Variants in HAPLN4 observed in about 807,000 individuals in gnomAD.
HAPLN4 encodes the protein brain link protein 2.
A neutral mutation model predicts 28.0 loss-of-function variants in HAPLN4; 19 were observed. The ratio of observed to expected loss-of-function variants is 0.68; its 90% CI spans 0.47 to 1.00. The LOEUF is 1.00. HAPLN4 is among the 50% of genes least tolerant of loss of function. The pLI is 0.00. For missense variants in HAPLN4, 587 were observed against 602.6 expected (o/e 0.97, Z 0.27); for synonymous variants, 274 against 273.0 (o/e 1.00, Z -0.03).
chr19:19,258,512 G>A lies in HAPLN4; in HGVS notation c.817+11C>T, dbSNP rs368786976. 5.6e-6 allele frequency: 9 copies of A among 1,611,456 alleles called. No homozygotes were observed. Among genetic ancestry groups the A allele is most frequent in the African/African-American group, 2.7e-5 (2 of 74,882 alleles). The stretch of plus-strand genomic sequence containing the variant: ...GCAGCAGAGGCCAGTCTTGGGGTGA[G>A]GCCTACGCACCCGGCAGGTTGGACG... On this transcript the variant is annotated intron_variant, in intron 4 of 4. Coordinates refer to ENST00000291481, the MANE Select transcript of HAPLN4 (RefSeq NM_023002.3). This position sits in a 1 kb window ranked among gnomAD's most constrained non-coding sequence, Gnocchi z 6.2.
rs1439699310 is a variant in HAPLN4 at position 19,256,132 on chromosome 19, T to C, written c.*1685A>G. On this transcript the variant is annotated 3_prime_UTR_variant, in exon 5 of 5. Coordinates refer to ENST00000291481, the MANE Select transcript of HAPLN4 (RefSeq NM_023002.3). ...GAGAGGAACTGGGTGAGAATGGAGA[T>C]GGGGTCTCAGAGGACAAAAGAGGAG... 1 of 152,164 alleles carries C rather than the reference T, an allele frequency of 6.6e-6. No individual in the cohort carries two copies. Among genetic ancestry groups the C allele is most frequent in the Non-Finnish European group, 1.5e-5 (1 of 68,068 alleles). 9.4% of individuals were successfully genotyped at this position (152,164 alleles called of 1,614,324 possible). A position where few individuals can be genotyped will look rare whatever the true frequency, so the allele number is the denominator to read the frequency against.
chr19:19,261,622 T>C, intron 1 of HAPLN4, 59 bp from the exon 2 acceptor site: 4 of 1,158,838 alleles, frequency 3.5e-6, no homozygotes, highest in Non-Finnish European at 3.5e-6. Flanking sequence ...TTCGGAGGCC[T>C]GGCTCCCTCC....
In HAPLN4 at chr19:19,254,901, A is replaced by G. The variant is rs1451616282; in HGVS notation, c.*2916T>C. On this transcript the variant is annotated 3_prime_UTR_variant, in exon 5 of 5. Transcript: ENST00000291481. The stretch of plus-strand genomic sequence containing the variant: ...CTTGGTCTCTTAAAGTGCTGGGATT[A>G]TAGGCATGATCCACTGTGCACGGTC... 6.6e-6 allele frequency: 1 copy of G among 152,278 alleles called. No homozygotes were observed. The highest frequency in any genetic ancestry group is 1.5e-5 in the Non-Finnish European group (1 of 68,100). 9.4% of individuals were successfully genotyped at this position (152,278 alleles called of 1,614,324 possible).
intron 3 of HAPLN4, 51 bp downstream of exon 3, chr19:19,260,762 G>T (rs368187800): frequency 4.5e-6 from 7 of 1,569,838 alleles, no homozygotes; most frequent in Non-Finnish European, 6.1e-6. Context: ...TGCCATCCCC[G>T]CCCCCCTCCT....
intron 2 of HAPLN4, 40 bp downstream of exon 2, chr19:19,261,406 C>T (rs1280890109): frequency 1.9e-6 from 3 of 1,564,132 alleles, no homozygotes; most frequent in Non-Finnish European, 2.6e-6. Context: ...GCCACTTCTG[C>T]TTTTCGCGGA....
At chr19:19,261,778 C>T (rs1283671886) in intron 1 of HAPLN4, 1 of 486,814 alleles carries the variant, frequency 2.1e-6, no homozygotes, top group African/African-American at 2.1e-5. Flanking sequence ...CCCCCGCCCT[C>T]AGTCCTGCCC....
At chr19:19,259,642 G>C (rs1419941399) in intron 3 of HAPLN4, among the ~76,000 whole-genome samples, 1 of 152,054 alleles carries the variant, frequency 6.6e-6, no homozygotes, top group Non-Finnish European at 1.5e-5. Context: ...GTCTCCCTTG[G>C]GGTTTTTAGG....
rs1309978679 is a variant in HAPLN4, at chr19:19,262,777, T to C, written c.-45A>G. ...CCGAGCGGCCCCTACGCACCCGGAC[T>C]GCGCTCCCCGCACACCCGGTTAAGA... is the stretch of plus-strand genomic sequence containing the variant. On this transcript the variant is annotated 5_prime_UTR_variant, in exon 1 of 5. Coordinates refer to ENST00000291481, the MANE Select transcript of HAPLN4 (RefSeq NM_023002.3). 1 of 1,602,396 alleles carries C rather than the reference T, an allele frequency of 6.2e-7. No homozygotes were observed. The highest frequency in any genetic ancestry group is 8.5e-7 in the Non-Finnish European group (1 of 1,174,266).
At chr19:19,261,301 G>A in intron 2 of HAPLN4, 126 bp from the exon 3 acceptor site, 2 of 1,261,974 alleles carry the variant, frequency 1.6e-6, no homozygotes, top group Non-Finnish European at 2.2e-6. Flanking sequence ...GAAGGGTCCA[G>A]GGGCTCAGGG....
chr19:19,262,490 A>G (rs1295496469), intron 1 of HAPLN4, among the ~76,000 whole-genome samples: 1 of 150,246 alleles, frequency 6.7e-6, no homozygotes, highest in Non-Finnish European at 1.5e-5. Context: ...GGGACAGGGA[A>G]AGACAGAAAC....
rs920067087 is a variant in HAPLN4, at chr19:19,258,603, T to C, written c.737A>G (p.Asn246Ser). The change falls in exon 4 of 5, where the codon AAC becomes AGC. Residue 246 changes from asparagine (N) to serine (S), a missense_variant. By Grantham distance (46) the Asn-to-Ser change is conservative. Coordinates refer to ENST00000291481, the MANE Select transcript of HAPLN4 (RefSeq NM_023002.3). The surrounding 1 kb of genome is among the most constrained non-coding windows in gnomAD (Gnocchi z 6.2). ...TGSAGGGGDANGGLRNYGYRH... is the reference protein window; with the variant it reads ...TGSAGGGGDASGGLRNYGYRH... ...ATACCCGTAGTTGCGCAGGCCCCCG[T>C]TGGCATCACCGCCGCCCCCTGCACT... 5 of 1,613,532 alleles carry C rather than the reference T, an allele frequency of 3.1e-6. No homozygotes were observed. The highest frequency in any genetic ancestry group is 3.4e-6 in the Non-Finnish European group (4 of 1,179,808).
chr19:19,257,802 C>T lies in HAPLN4; in HGVS notation c.*15G>A. The stretch of plus-strand genomic sequence containing the variant: ...ACCAGTGGTCAAGCGCCCTGGCTGT[C>T]CGCCTACTCCCAGCCTAGACGTGCA... On this transcript the variant is annotated 3_prime_UTR_variant, in exon 5 of 5. Coordinates refer to ENST00000291481, the MANE Select transcript of HAPLN4 (RefSeq NM_023002.3). 1 of 1,392,448 alleles carries T rather than the reference C, an allele frequency of 7.2e-7. No homozygotes were observed. The highest frequency in any genetic ancestry group is 1.8e-5 in the South Asian group (1 of 56,998). 86.3% of individuals were successfully genotyped at this position (1,392,448 alleles called of 1,614,324 possible).
rs961997947 is a variant in HAPLN4, at chr19:19,258,315, C to T, written c.818-107G>A. The T allele has an allele frequency of 3.1e-6, 4 of 1,271,406 alleles. No homozygotes were observed. The highest frequency in any genetic ancestry group is 1.5e-5 in the African/African-American group (1 of 66,514). 78.8% of individuals were successfully genotyped at this position (1,271,406 alleles called of 1,614,324 possible). A position where few individuals can be genotyped will look rare whatever the true frequency, so the allele number is the denominator to read the frequency against. ...TGCAGCCTAGGACTCTGGCCTCGGC[C>T]CCGGGATCCAGGAACAGTTCCTCCT... On this transcript the variant is annotated intron_variant, in intron 4 of 4. Transcript: ENST00000291481. The surrounding 1 kb of genome is among the most constrained non-coding windows in gnomAD (Gnocchi z 6.2).
rs931296618 is a variant in HAPLN4 at position 19,256,491 on chromosome 19, G to C, written c.*1326C>G. Reference sequence around the variant, plus strand: ...TGACAGTCTCTATGGCAACAGCTTGGTGAACAGGGCCCCGTTGTCCACAAG... The same window carrying C: ...TGACAGTCTCTATGGCAACAGCTTGCTGAACAGGGCCCCGTTGTCCACAAG... On this transcript the variant is annotated 3_prime_UTR_variant, in exon 5 of 5. Transcript: ENST00000291481. 6.6e-6 allele frequency: 1 copy of C among 152,668 alleles called. No homozygotes were observed. Among genetic ancestry groups the C allele is most frequent in the Non-Finnish European group, 1.5e-5 (1 of 68,054 alleles). 9.5% of individuals were successfully genotyped at this position (152,668 alleles called of 1,614,324 possible).
Position 19,260,906 on chromosome 19 carries a change from G to C in HAPLN4, c.391C>G (p.Arg131Gly). Reference protein sequence around the residue: ...DGPGDASLVLRNVTLQDYGRY... With the variant: ...DGPGDASLVLGNVTLQDYGRY... ...CCGTAGTCTTGCAGCGTGACGTTGC[G>C]GAGGACCAGGGAGGCATCCCCAGGC... The change falls in exon 3 of 5, where the codon CGC becomes GGC. Residue 131 changes from arginine to glycine, a missense_variant. Transcript: ENST00000291481. 6.2e-7 allele frequency: 1 copy of C among 1,614,060 alleles called. No homozygotes were observed. The highest frequency in any genetic ancestry group is 8.5e-7 in the Non-Finnish European group (1 of 1,180,028).
At chr19:19,261,827 G>A in intron 1 of HAPLN4, 1 of 412,146 alleles carries the variant, frequency 2.4e-6, no homozygotes, top group East Asian at 4.5e-5. Context: ...AAAACCCGAG[G>A]CTCGCTGCCC....
At position 19,258,541 on chromosome 19, in the gene HAPLN4, A is replaced by C; in HGVS notation, c.799T>G (p.Phe267Val). ...NAEERYDAFC[F>V]TSNLPGRVFF... ...TACGCACCCGGCAGGTTGGACGTGA[A>C]GCAGAAGGCGTCGTAGCGTTCCTCG... is the stretch of plus-strand genomic sequence containing the variant. The change falls in exon 4 of 5, where the codon TTC becomes GTC. Residue 267 changes from phenylalanine to valine, a missense_variant. Transcript: ENST00000291481. This position sits in a 1 kb window ranked among gnomAD's most constrained non-coding sequence, Gnocchi z 6.2. 1 of 1,613,576 alleles carries C rather than the reference A, an allele frequency of 6.2e-7. No homozygotes were observed.
intron 3 of HAPLN4, among the ~76,000 whole-genome samples, chr19:19,260,470 A>T (rs2060979210): frequency 6.6e-6 from 1 of 151,622 alleles, no homozygotes; most frequent in African/African-American, 2.4e-5. Flanking sequence ...GCCTGCCTCA[A>T]CCTCCCAAAG....
At position 19,260,798 on chromosome 19, in the gene HAPLN4, CCACCGGCTGAT is replaced by C; in HGVS notation, c.484+4_484+14del. 6.2e-7 allele frequency: 1 copy of C among 1,600,512 alleles called. No individual in the cohort carries two copies. Among genetic ancestry groups the C allele is most frequent in the East Asian group, 2.2e-5 (1 of 44,466 alleles). ...TCCTCAGAAGCAAGGTTTATCCTCC[CCACCGGCTGAT>C]CACCTTCCAGGTCCAGCTTGACCAT... is the stretch of plus-strand genomic sequence containing the variant. On this transcript the variant is annotated splice_donor_5th_base_variant and intron_variant, in intron 3 of 4. Transcript: ENST00000291481.
Sources: gnomAD v4.1 joint callset for allele counts (sites outside exome capture counted in the v4.1 genomes callset) on GRCh38, gnomAD v4.1.1 for gene constraint, Gnocchi (gnomAD v3.1) non-coding constraint, MANE v1.5 for transcripts, NCBI Gene and HGNC (gene_info 2026-07-23, HGNC 2026-07-21) for gene names.